Variants in DMXL1 observed in about 807,000 individuals in gnomAD.
DMXL1 encodes dmX-like protein 1.
DMXL1 carries 99 observed loss-of-function variants against 319.2 expected under a neutral mutation model. The ratio of observed to expected loss-of-function variants is 0.31; its 90% CI spans 0.26 to 0.37. DMXL1 has a LOEUF of 0.37. Among genes scored for constraint, DMXL1 ranks in the 10% least tolerant of loss-of-function variants. The probability of loss-of-function intolerance (pLI) is 1.00; values close to 1 mark genes in which losing one functional copy is unlikely to be tolerated. For synonymous variants in DMXL1, 1,385 were observed against 1,235.2 expected (o/e 1.12, Z -2.54); for missense variants, 3,745 against 3,595.6 (o/e 1.04, Z -1.06).
rs78036057 is a variant in DMXL1, at chr5:119,201,723, A to C, written c.7746-1596A>C. ...CTATGCCTTTTTTGGTTGGTATGCT[A>C]TTCATTACTGATTGAATTTCAGAGC... is the stretch of plus-strand genomic sequence containing the variant. On this transcript the variant is annotated intron_variant, in intron 32 of 43. Coordinates refer to ENST00000539542, the MANE Select transcript of DMXL1 (RefSeq NM_001290321.3). Among the ~76,000 whole-genome samples, 16 of 152,214 alleles carry C rather than the reference A, an allele frequency of 1.1e-4. No homozygotes were observed. The East Asian group carries it at 3.1e-3, about 29-fold the overall frequency.
chr5:119,072,007 A>G (rs953674853), intron 1 of DMXL1, among the ~76,000 whole-genome samples: 12 of 152,142 alleles, frequency 7.9e-5, no homozygotes, highest in African/African-American at 2.9e-4. Flanking sequence ...TCAAATTGTC[A>G]AATTTAGGAA....
intron 30 of DMXL1, among the ~76,000 whole-genome samples, chr5:119,195,579 G>A (rs920520987): frequency 1.3e-5 from 2 of 152,156 alleles, no homozygotes; most frequent in African/African-American, 4.8e-5. Flanking sequence ...GGCTGGTGGT[G>A]GGGGGAGAAT....
At chr5:119,111,820 T>C (rs528155292) in intron 5 of DMXL1, among the ~76,000 whole-genome samples, 1 of 151,336 alleles carries the variant, frequency 6.6e-6, no homozygotes, top group African/African-American at 2.4e-5. Context: ...ATAGCACATA[T>C]TAAAAATAAG....
chr5:119,202,302 G>A (rs1157544863), intron 32 of DMXL1, among the ~76,000 whole-genome samples: 5 of 152,018 alleles, frequency 3.3e-5, no homozygotes, highest in Non-Finnish European at 7.4e-5. Flanking sequence ...CCTAGGTTAG[G>A]GATCAACAAA....
At chr5:119,104,672 C>T (rs1034762600) in intron 3 of DMXL1, among the ~76,000 whole-genome samples, 3 of 152,134 alleles carry the variant, frequency 2.0e-5, no homozygotes, top group Non-Finnish European at 4.4e-5. Context: ...GGTCAGCATA[C>T]ATTGTGTATT....
At chr5:119,075,175 TA>T (rs1035066340) in intron 1 of DMXL1, among the ~76,000 whole-genome samples, 2 of 152,048 alleles carry the variant, frequency 1.3e-5, no homozygotes, top group Non-Finnish European at 2.9e-5. Flanking sequence ...TTGCTACATT[TA>T]AAAATAGCTT....
At chr5:119,157,599 C>T (rs537969191) in intron 19 of DMXL1, among the ~76,000 whole-genome samples, 1 of 152,220 alleles carries the variant, frequency 6.6e-6, no homozygotes, top group East Asian at 1.9e-4. Flanking sequence ...ATTGTGTGTT[C>T]CTGGCACGTT....
intron 31 of DMXL1, among the ~76,000 whole-genome samples, chr5:119,197,087 T>G (rs1779772974): frequency 6.6e-6 from 1 of 152,212 alleles, no homozygotes; most frequent in African/African-American, 2.4e-5. Context: ...CTCAAGAGTA[T>G]GGATGGGCAG....
At chr5:119,115,315 A>G in intron 6 of DMXL1, among the ~76,000 whole-genome samples, 1 of 152,190 alleles carries the variant, frequency 6.6e-6, no homozygotes, top group East Asian at 1.9e-4. Flanking sequence ...TTAATATATA[A>G]GACTTCATAG....
At chr5:119,092,741 A>T (rs1755064166) in intron 1 of DMXL1, among the ~76,000 whole-genome samples, 1 of 152,160 alleles carries the variant, frequency 6.6e-6, no homozygotes, top group Admixed American at 6.5e-5. Flanking sequence ...TACTGACTCT[A>T]TGGATTTGTC....
intron 8 of DMXL1, among the ~76,000 whole-genome samples, chr5:119,119,723 C>G (rs1225136648): frequency 6.6e-6 from 1 of 151,908 alleles, no homozygotes; most frequent in Non-Finnish European, 1.5e-5. Context: ...TTTGCCAGGG[C>G]TGGTCTCGAA....
chr5:119,171,736 T>G (rs779876046), intron 24 of DMXL1, 42 bp from the exon 25 acceptor site: 1 of 1,502,592 alleles, frequency 6.7e-7, no homozygotes, highest in Non-Finnish European at 9.0e-7. Flanking sequence ...GGTTTGTAAC[T>G]GTAAATAGTT....
intron 1 of DMXL1, among the ~76,000 whole-genome samples, chr5:119,076,471 A>G (rs548122485): frequency 4.4e-4 from 67 of 152,240 alleles, no homozygotes; most frequent in African/African-American, 1.2e-3. Flanking sequence ...AAAGATTGCT[A>G]CTATTCACAT....
chr5:119,180,018 A>G (rs1272000060), intron 28 of DMXL1, among the ~76,000 whole-genome samples: 7 of 152,198 alleles, frequency 4.6e-5, no homozygotes, highest in African/African-American at 1.4e-4. Flanking sequence ...GCCATAGACC[A>G]TTTGTAAACA....
chr5:119,089,278 A>ATATATATATATATATATG (rs1754087276), intron 1 of DMXL1, among the ~76,000 whole-genome samples: 1 of 18,986 alleles, frequency 5.3e-5, no homozygotes, highest in South Asian at 2.5e-3. Flanking sequence ...ATATATATAC[A>ATATATATATATATATATG]TATATATATA....
At chr5:119,236,707 C>T (rs530491668) in intron 39 of DMXL1, 1 of 151,940 alleles carries the variant, frequency 6.6e-6, no homozygotes, top group African/African-American at 2.4e-5. Context: ...GAGTACAAAG[C>T]AGACATTTAT....
Position 119,146,966 on chromosome 5 carries a change from TTG to T in DMXL1, c.2689+20_2689+21del, listed in dbSNP as rs768496727. The stretch of plus-strand genomic sequence containing the variant: ...ATTCCTGTCTCATTAGGTGAGTCTT[TTG>T]TGTGTGTGTTTGTGCAACTTTAATA... On this transcript the variant is annotated intron_variant, in intron 16 of 43. Transcript: ENST00000539542. The T allele has an allele frequency of 1.9e-6, 3 of 1,610,658 alleles. No individual in the cohort carries two copies. The highest frequency in any genetic ancestry group is 1.7e-5 in the Admixed American group (1 of 59,206).
At chr5:119,174,538 A>G (rs1775405673) in intron 25 of DMXL1, among the ~76,000 whole-genome samples, 1 of 152,248 alleles carries the variant, frequency 6.6e-6, no homozygotes. Flanking sequence ...ATTAGCAATT[A>G]GATTTGATCT....
chr5:119,134,811 G>T (rs966033467), intron 13 of DMXL1, among the ~76,000 whole-genome samples: 1 of 152,218 alleles, frequency 6.6e-6, no homozygotes, highest in Non-Finnish European at 1.5e-5. Context: ...CAGTATTGTT[G>T]TAAGGCTTTT....
Sources: gnomAD v4.1 joint callset for allele counts (sites outside exome capture counted in the v4.1 genomes callset) on GRCh38, gnomAD v4.1.1 for gene constraint, MANE v1.5 for transcripts, NCBI Gene and HGNC (gene_info 2026-07-23, HGNC 2026-07-21) for gene names.